Variants in GLB1 observed in about 807,000 individuals in gnomAD.
GLB1 encodes beta-galactosidase.
GLB1 carries 56 observed loss-of-function variants against 74.0 expected under a neutral mutation model. That is an observed-to-expected ratio of 0.76 (90% CI 0.61 to 0.94). The LOEUF (loss-of-function observed/expected upper bound fraction) is 0.94. Among genes scored for constraint, GLB1 ranks in the 40% least tolerant of loss-of-function variants. The pLI is 0.00. For synonymous variants in GLB1, 323 were observed against 323.6 expected (o/e 1.00, Z 0.02); for missense variants, 787 against 845.5 (o/e 0.93, Z 0.86).
At chr3:33,092,029 A>G in intron 1 of GLB1, 1 of 984,858 alleles carries the variant, frequency 1.0e-6, no homozygotes, top group Non-Finnish European at 1.2e-6. Context: ...ATCTCCAAAT[A>G]GGGAAAAGCA....
At chr3:32,981,175 T>C in the GLB1 span, among the ~76,000 whole-genome samples, 1 of 141,422 alleles carries the variant, frequency 7.1e-6, no homozygotes, top group African/African-American at 2.6e-5. Flanking sequence ...GAGGCAGAGA[T>C]GGGCGGATCA....
At chr3:33,018,860 G>T (rs925482955) in intron 12 of GLB1, among the ~76,000 whole-genome samples, 3 of 152,130 alleles carry the variant, frequency 2.0e-5, no homozygotes, top group Admixed American at 6.5e-5. Flanking sequence ...TCATACAGGG[G>T]ATTATATCAT....
At chr3:33,035,423 C>T (rs2125497706) in intron 10 of GLB1, among the ~76,000 whole-genome samples, 1 of 151,494 alleles carries the variant, frequency 6.6e-6, no homozygotes, top group South Asian at 2.1e-4. Flanking sequence ...CAGAACAAGA[C>T]ACTGTCTCAA....
At chr3:32,979,428 T>C in the GLB1 span, among the ~76,000 whole-genome samples, 1 of 152,194 alleles carries the variant, frequency 6.6e-6, no homozygotes, top group Non-Finnish European at 1.5e-5. Flanking sequence ...CTCTATTGAA[T>C]ACGTATTTTT....
intron 9 of GLB1, among the ~76,000 whole-genome samples, chr3:33,046,756 C>T (rs1220985214): frequency 6.6e-6 from 1 of 152,198 alleles, no homozygotes; most frequent in African/African-American, 2.4e-5. Flanking sequence ...AGCAGACCCA[C>T]ATCAGCCACA....
At chr3:33,091,185 G>T (rs1295450196) in intron 1 of GLB1, 3 of 985,356 alleles carry the variant, frequency 3.0e-6, no homozygotes, top group Non-Finnish European at 3.6e-6. Context: ...AGTGAAGAGA[G>T]AAAAAAGAAT....
intron 10 of GLB1, chr3:33,045,739 T>G (rs1414669752): frequency 8.7e-7 from 1 of 1,152,080 alleles, no homozygotes; most frequent in Non-Finnish European, 1.1e-6. Flanking sequence ...ATCTGTGCAT[T>G]CTCTCCCATC....
rs116102243 is a variant in GLB1 at position 33,037,136 on chromosome 3, C to T, written c.1068+8984G>A. Among the ~76,000 whole-genome samples the T allele has an allele frequency of 4.7e-3, 707 of 151,746 alleles. 4 individuals carry two copies. Among genetic ancestry groups the T allele is most frequent in the African/African-American group, 0.016 (670 of 41,314 alleles). On this transcript the variant is annotated intron_variant, in intron 10 of 15. Coordinates refer to ENST00000307363, the MANE Select transcript of GLB1 (RefSeq NM_000404.4). ...TCTCAGGTCACTGCAACCTCTGACTCCCATATTCAAGCGATTCTCCTGCCC... is the reference window on the plus strand; with the variant it reads ...TCTCAGGTCACTGCAACCTCTGACTTCCATATTCAAGCGATTCTCCTGCCC...
chr3:33,065,818 T>C (rs1488505532), intron 4 of GLB1, among the ~76,000 whole-genome samples: 1 of 151,634 alleles, frequency 6.6e-6, no homozygotes, highest in Admixed American at 6.6e-5. Context: ...AAATGCAAAA[T>C]TAGCCAGGCT....
intron 6 of GLB1, among the ~76,000 whole-genome samples, chr3:33,056,227 C>CAAAAA (rs10559091): frequency 6.2e-5 from 3 of 48,624 alleles, no homozygotes; most frequent in African/African-American, 1.5e-4. Flanking sequence ...AACTCCACCT[C>CAAAAA]AAAAAAAAAA....
At chr3:33,085,148 C>G (rs1215278180) in intron 1 of GLB1, among the ~76,000 whole-genome samples, 1 of 151,904 alleles carries the variant, frequency 6.6e-6, no homozygotes, top group East Asian at 1.9e-4. Context: ...GTGGCACATG[C>G]CTGTGGTCCC....
chr3:33,017,787 A>T (rs1697295462), intron 13 of GLB1, among the ~76,000 whole-genome samples: 1 of 152,174 alleles, frequency 6.6e-6, no homozygotes, highest in East Asian at 1.9e-4. Context: ...TTGGAAATGG[A>T]CCCCACCCTT....
intron 1 of GLB1, chr3:33,092,651 A>T: frequency 1.4e-6 from 2 of 1,380,450 alleles, no homozygotes; most frequent in Non-Finnish European, 1.9e-6. Context: ...GGAAATAGTT[A>T]AACCAGCCTG....
chr3:32,988,161 G>A, the GLB1 span, among the ~76,000 whole-genome samples: 6 of 145,926 alleles, frequency 4.1e-5, no homozygotes, highest in African/African-American at 1.5e-4. Flanking sequence ...ACTACAGCCT[G>A]GGTGACAGAG....
intron 1 of GLB1, chr3:33,091,105 A>C: frequency 1.0e-6 from 1 of 985,460 alleles, no homozygotes; most frequent in Non-Finnish European, 1.2e-6. Flanking sequence ...ATCCAAAGCG[A>C]GAACTTAAAG....
chr3:33,048,179 T>C (rs996686706), intron 9 of GLB1, among the ~76,000 whole-genome samples: 5 of 152,054 alleles, frequency 3.3e-5, no homozygotes, highest in Non-Finnish European at 7.4e-5. Context: ...GTTGGGAAAG[T>C]GTGACCTCTA....
chr3:33,092,760 C>G, intron 1 of GLB1: 1 of 1,517,548 alleles, frequency 6.6e-7, no homozygotes, highest in Non-Finnish European at 8.8e-7. Context: ...AGGGGAAAAG[C>G]AGGCAAACCA....
the GLB1 span, among the ~76,000 whole-genome samples, chr3:32,978,511 A>C: frequency 6.6e-6 from 1 of 152,240 alleles, no homozygotes; most frequent in African/African-American, 2.4e-5. Flanking sequence ...AACAGACGGC[A>C]AAAAGTCCAA....
chr3:32,965,862 G>C, the GLB1 span, among the ~76,000 whole-genome samples: 4 of 152,382 alleles, frequency 2.6e-5, no homozygotes, highest in South Asian at 2.1e-4. Flanking sequence ...AGCTGGGGCT[G>C]TGGCTTCAGA....
Sources: gnomAD v4.1 joint callset for allele counts (sites outside exome capture counted in the v4.1 genomes callset) on GRCh38, gnomAD v4.1.1 for gene constraint, MANE v1.5 for transcripts, NCBI Gene and HGNC (gene_info 2026-07-23, HGNC 2026-07-21) for gene names.